KSR2: variants seen among roughly 807,000 people sequenced by gnomAD.
KSR2 encodes kinase suppressor of ras 2.
In KSR2, 25 loss-of-function variants were observed where a neutral mutation model predicts 107.8. The ratio of observed to expected loss-of-function variants is 0.23; its 90% CI spans 0.17 to 0.32. KSR2 has a LOEUF of 0.32. KSR2 is among the 10% of genes least tolerant of loss of function. The pLI is 1.00. For synonymous variants in KSR2, 480 were observed against 507.0 expected, an observed-to-expected ratio of 0.95 and a Z score of 0.71; for missense variants, 887 against 1,268.9, an observed-to-expected ratio of 0.70 and a Z score of 4.57.
At chr12:117,911,524 A>T (rs1315931129) in intron 1 of KSR2, among the ~76,000 whole-genome samples, 1 of 152,224 alleles carries the variant, frequency 6.6e-6, no homozygotes. Flanking sequence ...GAAGTTGGGG[A>T]TTATTTGTCA....
At chr12:117,947,205 A>AAAGAAGG (rs58567161) in intron 1 of KSR2, among the ~76,000 whole-genome samples, 1 of 69,242 alleles carries the variant, frequency 1.4e-5, no homozygotes, top group Non-Finnish European at 2.6e-5. Context: ...GAAAAGAAAG[A>AAAGAAGG]AAAGAAAGAA....
chr12:117,484,914 C>T (rs920169800), intron 15 of KSR2, among the ~76,000 whole-genome samples: 8 of 152,214 alleles, frequency 5.3e-5, no homozygotes, highest in African/African-American at 9.6e-5. Context: ...ACTAGATAGT[C>T]AGATCTACTT....
chr12:117,850,194 A>T (rs1478876741), intron 3 of KSR2, among the ~76,000 whole-genome samples: 1 of 152,204 alleles, frequency 6.6e-6, no homozygotes, highest in Non-Finnish European at 1.5e-5. Flanking sequence ...CACATCACAC[A>T]GCTTTTCAGA....
At chr12:117,508,099 G>A (rs1873810536) in intron 14 of KSR2, among the ~76,000 whole-genome samples, 1 of 152,166 alleles carries the variant, frequency 6.6e-6, no homozygotes, top group Non-Finnish European at 1.5e-5. Flanking sequence ...GATTATTTTA[G>A]TCCTGCTGCC....
In KSR2 at chr12:117,761,289, G is replaced by A. The variant is rs1889005578; in HGVS notation, c.708C>T (p.Cys236=). ...RLTVDAYPGL[C]PPPPLESGHR... ...GGCCCGACTCCAGTGGCGGGGGCGG[G>A]CACAAGCCCGGGTAGGCGTCCACGG... Residue 236 remains cysteine, a synonymous_variant, in exon 4 of 20, where the codon TGC becomes TGT. Coordinates refer to ENST00000339824, the MANE Select transcript of KSR2 (RefSeq NM_173598.6). 1.3e-6 allele frequency: 2 copies of A among 1,518,682 alleles called. No homozygotes were observed. Among genetic ancestry groups the A allele is most frequent in the Non-Finnish European group, 8.8e-7 (1 of 1,136,974 alleles). The allele number at this position is 1,518,682 out of a possible 1,614,324, so 94.1% of individuals were successfully genotyped here.
intron 5 of KSR2, among the ~76,000 whole-genome samples, chr12:117,586,294 A>T (rs80281283): frequency 1.4e-3 from 214 of 152,230 alleles, no homozygotes; most frequent in African/African-American, 4.9e-3. Context: ...AATAAGAAAT[A>T]AGAAAAATAG....
At chr12:117,769,230 T>C (rs1481019322) in intron 3 of KSR2, among the ~76,000 whole-genome samples, 2 of 152,088 alleles carry the variant, frequency 1.3e-5, no homozygotes, top group African/African-American at 2.4e-5. Context: ...GTGGGTTTTT[T>C]TTTTCTACAA....
At chr12:117,762,593 C>T (rs918254461) in intron 3 of KSR2, among the ~76,000 whole-genome samples, 3 of 152,112 alleles carry the variant, frequency 2.0e-5, no homozygotes, top group African/African-American at 4.8e-5. Context: ...CAGCTGGGCA[C>T]GGAGGCTCAC....
At chr12:117,829,578 C>A (rs893625842) in intron 3 of KSR2, among the ~76,000 whole-genome samples, 1 of 152,200 alleles carries the variant, frequency 6.6e-6, no homozygotes, top group Non-Finnish European at 1.5e-5. Flanking sequence ...TGTTTACAAG[C>A]ACTCACATCA....
chr12:117,562,177 G>A (rs1878173317), intron 7 of KSR2, among the ~76,000 whole-genome samples: 1 of 151,664 alleles, frequency 6.6e-6, no homozygotes, highest in African/African-American at 2.4e-5. Flanking sequence ...TGAGTTCAAG[G>A]GTCAAAAGTT....
chr12:117,547,331 A>G (rs1233499716), intron 9 of KSR2, among the ~76,000 whole-genome samples: 1 of 152,222 alleles, frequency 6.6e-6, no homozygotes. Context: ...GGGAGGGGTA[A>G]GAATGCCAAA....
intron 4 of KSR2, among the ~76,000 whole-genome samples, chr12:117,726,198 AT>A (rs1235567071): frequency 5.3e-5 from 8 of 152,036 alleles, no homozygotes; most frequent in Admixed American, 3.9e-4. Context: ...TAAAATAAAA[AT>A]TTTTTTAAAA....
chr12:117,484,688 T>C (rs1487873278), intron 15 of KSR2, 139 bp from the exon 16 acceptor site: 2 of 809,182 alleles, frequency 2.5e-6, no homozygotes, highest in Non-Finnish European at 3.8e-6. Context: ...GCCTGGGGTC[T>C]GACCGTGGGT....
At chr12:117,892,163 T>A (rs562373318) in intron 1 of KSR2, among the ~76,000 whole-genome samples, 1 of 151,406 alleles carries the variant, frequency 6.6e-6, no homozygotes, top group South Asian at 2.1e-4. Flanking sequence ...ATTAGCTGGG[T>A]GTGATGGTGG....
chr12:117,533,659 G>A (rs1370049070), intron 10 of KSR2, among the ~76,000 whole-genome samples: 2 of 152,182 alleles, frequency 1.3e-5, no homozygotes, highest in African/African-American at 4.8e-5. Context: ...CAGGAAAGAC[G>A]ACCCGAGGCT....
chr12:117,721,194 G>A (rs1229215412), intron 4 of KSR2, among the ~76,000 whole-genome samples: 1 of 152,204 alleles, frequency 6.6e-6, no homozygotes, highest in Non-Finnish European at 1.5e-5. Context: ...TGGAAATAAC[G>A]GAAATCTTTA....
chr12:117,779,839 T>C (rs1286943411), intron 3 of KSR2, among the ~76,000 whole-genome samples: 2 of 152,198 alleles, frequency 1.3e-5, no homozygotes, highest in Non-Finnish European at 2.9e-5. Context: ...TACCCAGTCT[T>C]GAGTATTTCT....
chr12:117,585,618 G>C (rs1449556994), intron 5 of KSR2, among the ~76,000 whole-genome samples: 1 of 151,622 alleles, frequency 6.6e-6, no homozygotes, highest in Non-Finnish European at 1.5e-5. Flanking sequence ...AAGCCTTAAA[G>C]CAATGGAAAA....
intron 5 of KSR2, among the ~76,000 whole-genome samples, chr12:117,584,585 GT>G (rs1478793116): frequency 6.6e-6 from 1 of 152,158 alleles, no homozygotes; most frequent in Non-Finnish European, 1.5e-5. Context: ...TCTGCCACGG[GT>G]GAAGAATAAG....
Sources: gnomAD v4.1 joint callset for allele counts (sites outside exome capture counted in the v4.1 genomes callset) on GRCh38, gnomAD v4.1.1 for gene constraint, MANE v1.5 for transcripts, NCBI Gene and HGNC (gene_info 2026-07-23, HGNC 2026-07-21) for gene names.